The following LPCAT2 variants were observed in gnomAD, a reference collection of about 807,000 sequenced individuals.
The protein encoded by LPCAT2 is 1-AGP acyltransferase 11.
In LPCAT2, 58 loss-of-function variants were observed where a neutral mutation model predicts 64.7. That is an observed-to-expected ratio of 0.90 (90% CI 0.73 to 1.12). The LOEUF is 1.12. LPCAT2 is among the 50% of genes most tolerant of loss of function. The probability of loss-of-function intolerance (pLI) is 0.00; values close to 1 mark genes in which losing one functional copy is unlikely to be tolerated. For synonymous variants in LPCAT2, 252 were observed against 245.3 expected (o/e 1.03, Z -0.26); for missense variants, 579 against 669.8 (o/e 0.86, Z 1.50).
chr16:55,533,087 G>T (rs1449693514), intron 6 of LPCAT2, among the ~76,000 whole-genome samples: 7 of 152,064 alleles, frequency 4.6e-5, no homozygotes, highest in African/African-American at 1.7e-4. Context: ...ATATTATTTT[G>T]CTATTACTGA....
chr16:55,525,446 G>A, intron 1 of LPCAT2, 62 bp from the exon 2 acceptor site: 1 of 1,482,978 alleles, frequency 6.7e-7, no homozygotes, highest in Non-Finnish European at 9.2e-7. Context: ...ACATGTTTCT[G>A]TTTGATAGCC....
intron 7 of LPCAT2, among the ~76,000 whole-genome samples, chr16:55,536,078 T>A (rs1215138572): frequency 1.3e-5 from 2 of 152,198 alleles, no homozygotes; most frequent in Non-Finnish European, 2.9e-5. Context: ...TTTTGTTCAA[T>A]CTATTGCAAA....
chr16:55,509,171 C>G lies in LPCAT2; in HGVS notation c.-11C>G, dbSNP rs1962882866. ...AGATCGCTTCGGCCGGGTTCTACGC[C>G]CGGCTCAACTATGAGCCGGTGCGCC... On this transcript the variant is annotated 5_prime_UTR_variant, in exon 1 of 14. Transcript: ENST00000262134. The G allele has an allele frequency of 7.5e-7, 1 of 1,341,146 alleles. No individual in the cohort carries two copies. The allele number at this position is 1,341,146 out of a possible 1,614,324, so 83.1% of individuals were successfully genotyped here.
At chr16:55,554,666 G>A (rs1279802390) in intron 11 of LPCAT2, among the ~76,000 whole-genome samples, 1 of 152,148 alleles carries the variant, frequency 6.6e-6, no homozygotes, top group African/African-American at 2.4e-5. Context: ...ACTTTCCTTT[G>A]CATTCACAAC....
At chr16:55,545,689 T>C (rs1424688757) in intron 8 of LPCAT2, 46 bp from the exon 9 acceptor site, 1 of 1,220,290 alleles carries the variant, frequency 8.2e-7, no homozygotes, top group African/African-American at 1.5e-5. Flanking sequence ...GCATTTAATG[T>C]CTTAGGCTTA....
At chr16:55,542,810 A>C (rs933254960) in intron 8 of LPCAT2, among the ~76,000 whole-genome samples, 4 of 152,188 alleles carry the variant, frequency 2.6e-5, no homozygotes, top group Non-Finnish European at 5.9e-5. Flanking sequence ...TGAAGAACTT[A>C]GCAGAGATTA....
intron 9 of LPCAT2, 75 bp from the exon 10 acceptor site, chr16:55,549,202 G>A: frequency 3.2e-6 from 4 of 1,266,286 alleles, no homozygotes; most frequent in Non-Finnish European, 4.4e-6. Context: ...TTTGGAACCA[G>A]TTAAAGCCTA....
chr16:55,560,044 G>A (rs1468762557), intron 11 of LPCAT2, among the ~76,000 whole-genome samples: 1 of 152,148 alleles, frequency 6.6e-6, no homozygotes, highest in Non-Finnish European at 1.5e-5. Flanking sequence ...ACAGAAAGGA[G>A]ACTGTAAAAT....
At chr16:55,578,832 T>C (rs1287089511) in intron 12 of LPCAT2, among the ~76,000 whole-genome samples, 1 of 152,192 alleles carries the variant, frequency 6.6e-6, no homozygotes, top group African/African-American at 2.4e-5. Flanking sequence ...TATGAAGCCT[T>C]CTTGGACCTC....
chr16:55,525,658 A>C lies in LPCAT2; in HGVS notation c.311+11A>C. On this transcript the variant is annotated intron_variant, in intron 2 of 13. Coordinates refer to ENST00000262134, the MANE Select transcript of LPCAT2 (RefSeq NM_017839.5). ...AACTGGTTGGAGGAGGTAAGAAATA[A>C]TTTTGTCCAAAATATTAGGACATAA... 1 of 1,591,000 alleles carries C rather than the reference A, an allele frequency of 6.3e-7. No homozygotes were observed. The highest frequency in any genetic ancestry group is 8.5e-7 in the Non-Finnish European group (1 of 1,170,484).
intron 8 of LPCAT2, chr16:55,542,015 A>T (rs552789545): frequency 1.8e-6 from 2 of 1,121,224 alleles, no homozygotes; most frequent in Non-Finnish European, 2.3e-6. Flanking sequence ...TAAAAGATTG[A>T]TTATAGTGTC....
At chr16:55,509,760 A>G (rs137898429) in intron 1 of LPCAT2, among the ~76,000 whole-genome samples, 1 of 152,148 alleles carries the variant, frequency 6.6e-6, no homozygotes, top group African/African-American at 2.4e-5. Flanking sequence ...AGAATTGAGG[A>G]CATTTAGAGG....
chr16:55,509,197 C>G lies in LPCAT2; in HGVS notation c.16C>G (p.Gln6Glu). MSRCAQAAEVAATVPG... is the reference protein window; with the variant it reads MSRCAEAAEVAATVPG... ...CGGCTCAACTATGAGCCGGTGCGCC[C>G]AGGCGGCGGAAGTGGCGGCCACAGT... Residue 6 changes from glutamine (Q) to glutamate (E), a missense_variant, in exon 1 of 14, where the codon CAG becomes GAG. Gln to Glu is a conservative substitution (Grantham distance 29, BLOSUM62 2). Coordinates refer to ENST00000262134, the MANE Select transcript of LPCAT2 (RefSeq NM_017839.5). 1.4e-6 allele frequency: 2 copies of G among 1,407,190 alleles called. No homozygotes were observed. The highest frequency in any genetic ancestry group is 5.6e-5 in the East Asian group (2 of 35,578). 87.2% of individuals were successfully genotyped at this position (1,407,190 alleles called of 1,614,324 possible). A position where few individuals can be genotyped will look rare whatever the true frequency, so the allele number is the denominator to read the frequency against.
At chr16:55,519,366 G>A (rs1272689889) in intron 1 of LPCAT2, among the ~76,000 whole-genome samples, 11 of 151,652 alleles carry the variant, frequency 7.3e-5, no homozygotes, top group Admixed American at 1.3e-4. Context: ...AAAATTAGCC[G>A]GGCGTGGTGG....
intron 11 of LPCAT2, among the ~76,000 whole-genome samples, chr16:55,565,799 T>C (rs1195797986): frequency 6.6e-6 from 1 of 152,122 alleles, no homozygotes; most frequent in Non-Finnish European, 1.5e-5. Context: ...ACAATGCAAA[T>C]ATACTTAATG....
intron 11 of LPCAT2, among the ~76,000 whole-genome samples, chr16:55,561,821 T>TG (rs531385971): frequency 3.9e-5 from 6 of 151,962 alleles, no homozygotes; most frequent in Admixed American, 2.6e-4. Flanking sequence ...AGAAGACATT[T>TG]GGTTTTTGGT....
chr16:55,581,542 A>G (rs1374584341), intron 13 of LPCAT2, among the ~76,000 whole-genome samples: 1 of 152,174 alleles, frequency 6.6e-6, no homozygotes, highest in African/African-American at 2.4e-5. Context: ...CAGTGGCATG[A>G]TCAGAGGTCA....
chr16:55,555,378 T>C (rs184806985), intron 11 of LPCAT2, among the ~76,000 whole-genome samples: 1 of 152,322 alleles, frequency 6.6e-6, no homozygotes, highest in East Asian at 1.9e-4. Flanking sequence ...CCTCCTCTTA[T>C]GGTATTTTGT....
intron 11 of LPCAT2, among the ~76,000 whole-genome samples, chr16:55,565,603 A>G (rs1409390177): frequency 6.6e-6 from 1 of 152,162 alleles, no homozygotes; most frequent in African/African-American, 2.4e-5. Context: ...GCAAGTCACA[A>G]AAGAACAAAT....
Sources: allele counts gnomAD v4.1 joint callset (sites outside exome capture counted in the v4.1 genomes callset), GRCh38; gene constraint gnomAD v4.1.1; transcripts MANE v1.5; gene names NCBI Gene and HGNC (gene_info 2026-07-23, HGNC 2026-07-21).